The following CAMKMT variants were observed in gnomAD, a reference collection of about 807,000 sequenced individuals.
CAMKMT encodes CaM KMT.
In CAMKMT, 53 loss-of-function variants were observed where a neutral mutation model predicts 48.0. That is an observed-to-expected ratio of 1.10 (90% CI 0.89 to 1.39). CAMKMT has a LOEUF of 1.39. Among genes scored for constraint, CAMKMT ranks in the 40% most tolerant of loss-of-function variants. The probability of loss-of-function intolerance (pLI) is 0.00; values close to 1 mark genes in which losing one functional copy is unlikely to be tolerated. For synonymous variants in CAMKMT, 165 were observed against 152.3 expected, an observed-to-expected ratio of 1.08 and a Z score of -0.61; for missense variants, 428 against 402.7, an observed-to-expected ratio of 1.06 and a Z score of -0.54.
intron 3 of CAMKMT, among the ~76,000 whole-genome samples, chr2:44,686,445 G>A (rs1192914268): frequency 6.6e-5 from 10 of 151,308 alleles, no homozygotes; most frequent in African/African-American, 2.4e-4. Context: ...ACAAACCCTC[G>A]TTTAGTTCAT....
At chr2:44,397,190 T>G (rs896355861) in intron 3 of CAMKMT, among the ~76,000 whole-genome samples, 1 of 152,128 alleles carries the variant, frequency 6.6e-6, no homozygotes, top group East Asian at 1.9e-4. Context: ...GAATCAGAGA[T>G]CAAATCATTT....
intron 3 of CAMKMT, among the ~76,000 whole-genome samples, chr2:44,473,107 T>C (rs543134972): frequency 7.4e-4 from 112 of 152,312 alleles, no homozygotes; most frequent in African/African-American, 2.5e-3. Context: ...AATGTTTCCA[T>C]TGGTGAAATG....
At chr2:44,457,695 G>A (rs940552642) in intron 3 of CAMKMT, among the ~76,000 whole-genome samples, 6 of 152,108 alleles carry the variant, frequency 3.9e-5, no homozygotes, top group African/African-American at 9.7e-5. Context: ...ACCGTGCCCG[G>A]CCCTTAAGTC....
At chr2:44,482,550 A>T (rs1669025707) in intron 3 of CAMKMT, among the ~76,000 whole-genome samples, 1 of 152,162 alleles carries the variant, frequency 6.6e-6, no homozygotes, top group South Asian at 2.1e-4. Context: ...AGGTAAATAT[A>T]TTTACTTATA....
chr2:44,685,697 G>T (rs1676296600), intron 3 of CAMKMT, among the ~76,000 whole-genome samples: 1 of 152,128 alleles, frequency 6.6e-6, no homozygotes, highest in Non-Finnish European at 1.5e-5. Context: ...CTTCTTTGTG[G>T]TTCTCAACTC....
At chr2:44,615,705 G>T (rs1463533167) in intron 3 of CAMKMT, among the ~76,000 whole-genome samples, 3 of 152,122 alleles carry the variant, frequency 2.0e-5, no homozygotes, top group African/African-American at 7.2e-5. Context: ...TTAAAGTATT[G>T]TAATGTGTTT....
intron 3 of CAMKMT, among the ~76,000 whole-genome samples, chr2:44,697,057 C>G (rs1676995595): frequency 6.6e-6 from 1 of 151,988 alleles, no homozygotes. Flanking sequence ...TCAGGAGATT[C>G]AACATCCAAA....
intron 3 of CAMKMT, among the ~76,000 whole-genome samples, chr2:44,567,474 T>G (rs1668675629): frequency 6.6e-6 from 1 of 152,134 alleles, no homozygotes; most frequent in African/African-American, 2.4e-5. Context: ...CTGAAACATC[T>G]TGCTTCTCTC....
intron 3 of CAMKMT, among the ~76,000 whole-genome samples, chr2:44,594,030 TG>T (rs1670494806): frequency 6.6e-6 from 1 of 152,120 alleles, no homozygotes; most frequent in South Asian, 2.1e-4. Flanking sequence ...CCAAAAGTGC[TG>T]GGATTACAGG....
chr2:44,490,297 T>A (rs1669426736), intron 3 of CAMKMT, among the ~76,000 whole-genome samples: 1 of 152,070 alleles, frequency 6.6e-6, no homozygotes, highest in Middle Eastern at 3.2e-3. Flanking sequence ...CTTTTTGAGA[T>A]GGAGTTTTGC....
intron 3 of CAMKMT, among the ~76,000 whole-genome samples, chr2:44,412,841 G>T (rs959754556): frequency 1.3e-5 from 2 of 151,164 alleles, no homozygotes; most frequent in Non-Finnish European, 3.0e-5. Flanking sequence ...TTTGGGAGGC[G>T]GAGGTGGGCA....
rs183046186 is a variant in CAMKMT, at chr2:44,757,442, A to G, written c.762+3324A>G. On this transcript the variant is annotated intron_variant, in intron 9 of 10. Coordinates refer to ENST00000378494, the MANE Select transcript of CAMKMT (RefSeq NM_024766.5). ...GCCACTGACTGAATTAATGTCTGGAAGCCTCAGTTTCTCATCTGTAAAATG... is the reference window on the plus strand; with the variant it reads ...GCCACTGACTGAATTAATGTCTGGAGGCCTCAGTTTCTCATCTGTAAAATG... 9.8e-5 allele frequency among the ~76,000 whole-genome samples: 15 copies of G among 152,350 alleles called. No individual in the cohort carries two copies. In the East Asian group the frequency reaches 2.9e-3, roughly 29 times the overall value.
At chr2:44,465,539 TGAG>T (rs1256658204) in intron 3 of CAMKMT, among the ~76,000 whole-genome samples, 1 of 139,752 alleles carries the variant, frequency 7.2e-6, no homozygotes, top group Non-Finnish European at 1.5e-5. Context: ...GAGGCTGCAG[TGAG>T]CCAAGTTTGT....
chr2:44,710,597 A>G (rs1380256495), intron 6 of CAMKMT, among the ~76,000 whole-genome samples: 1 of 151,626 alleles, frequency 6.6e-6, no homozygotes, highest in Non-Finnish European at 1.5e-5. Context: ...ATTCTAAAAT[A>G]GTGTGAAACA....
chr2:44,758,079 G>A (rs985570175), intron 9 of CAMKMT, among the ~76,000 whole-genome samples: 1 of 152,170 alleles, frequency 6.6e-6, no homozygotes, highest in African/African-American at 2.4e-5. Context: ...TACTATAGAC[G>A]GTCCCCACGG....
chr2:44,393,735 G>A (rs963142145), intron 3 of CAMKMT, among the ~76,000 whole-genome samples: 1 of 152,076 alleles, frequency 6.6e-6, no homozygotes, highest in South Asian at 2.1e-4. Context: ...TTGATATGTC[G>A]CTCAGATACC....
chr2:44,608,409 A>T (rs72882956), intron 3 of CAMKMT, among the ~76,000 whole-genome samples: 1,681 of 152,080 alleles, frequency 0.011, 19 homozygotes, highest in African/African-American at 0.034. Flanking sequence ...TTATTTTTTT[A>T]AAATTGACAA....
intron 3 of CAMKMT, among the ~76,000 whole-genome samples, chr2:44,492,660 A>G (rs1178290109): frequency 6.6e-6 from 1 of 152,090 alleles, no homozygotes; most frequent in Non-Finnish European, 1.5e-5. Flanking sequence ...GGCCTTCTTC[A>G]CTGCTTGGTT....
chr2:44,758,545 A>G (rs902707227), intron 9 of CAMKMT, among the ~76,000 whole-genome samples: 3 of 152,216 alleles, frequency 2.0e-5, no homozygotes, highest in African/African-American at 7.2e-5. Context: ...TCCTGTCATA[A>G]CACTACAAGG....
Sources: allele counts gnomAD v4.1 joint callset (sites outside exome capture counted in the v4.1 genomes callset), GRCh38; gene constraint gnomAD v4.1.1; transcripts MANE v1.5; gene names NCBI Gene and HGNC (gene_info 2026-07-23, HGNC 2026-07-21).